Variants in SIPA1L2 observed in about 807,000 individuals in gnomAD.
SIPA1L2 encodes the protein signal-induced proliferation-associated 1-like protein 2.
SIPA1L2 carries 56 observed loss-of-function variants against 163.9 expected under a neutral mutation model. The observed-to-expected ratio is 0.34, with a 90% CI of 0.28 to 0.43. SIPA1L2 has a LOEUF of 0.43. SIPA1L2 is among the 20% of genes least tolerant of loss of function. The pLI is 1.00. For missense variants in SIPA1L2, 1,974 were observed against 2,193.5 expected, an observed-to-expected ratio of 0.90 and a Z score of 2.00; for synonymous variants, 877 against 865.7, an observed-to-expected ratio of 1.01 and a Z score of -0.23.
At chr1:232,455,348 C>T (rs1663830529) in intron 10 of SIPA1L2, among the ~76,000 whole-genome samples, 3 of 152,096 alleles carry the variant, frequency 2.0e-5, no homozygotes, top group Non-Finnish European at 4.4e-5. Flanking sequence ...ACAACAAAAA[C>T]GTGGAATCAA....
intron 1 of SIPA1L2, among the ~76,000 whole-genome samples, chr1:232,606,456 T>G (rs1201580804): frequency 1.3e-5 from 2 of 152,132 alleles, no homozygotes; most frequent in Non-Finnish European, 2.9e-5. Flanking sequence ...CCGAGAGCTT[T>G]AACGGTATTT....
rs1003969347 is a variant in SIPA1L2, at chr1:232,490,647, C to T, written c.1806+227G>A. The stretch of plus-strand genomic sequence containing the variant: ...CTTGCAAGCTGGGACACACCAAAAC[C>T]TTGGTAATAACAAAAAAAAATCACA... On this transcript the variant is annotated intron_variant, in intron 5 of 22. Transcript: ENST00000674635. 1.5e-4 allele frequency: 68 copies of T among 460,480 alleles called. 1 individual carries two copies. Among genetic ancestry groups the T allele is most frequent in the South Asian group, 1.3e-3 (38 of 29,080 alleles). The allele number at this position is 460,480 out of a possible 1,614,324, so 28.5% of individuals were successfully genotyped here. A position where few individuals can be genotyped will look rare whatever the true frequency, so the allele number is the denominator to read the frequency against.
chr1:232,404,066 G>A, intron 20 of SIPA1L2, 59 bp downstream of exon 20: 2 of 1,587,124 alleles, frequency 1.3e-6, no homozygotes, highest in Non-Finnish European at 1.7e-6. Flanking sequence ...GCAGACACAT[G>A]AAATATACAG....
chr1:232,564,371 C>T (rs2102756814), intron 2 of SIPA1L2, among the ~76,000 whole-genome samples: 1 of 151,578 alleles, frequency 6.6e-6, no homozygotes, highest in African/African-American at 2.4e-5. Flanking sequence ...AGCCACTGCT[C>T]CTGGCCAAGA....
intron 1 of SIPA1L2, among the ~76,000 whole-genome samples, chr1:232,605,423 G>A (rs2102863077): frequency 6.6e-6 from 1 of 152,340 alleles, no homozygotes; most frequent in East Asian, 1.9e-4. Context: ...AGCTGGGTGT[G>A]GTGGCTCACG....
intron 17 of SIPA1L2, 119 bp from the exon 18 acceptor site, chr1:232,425,927 T>A: frequency 1.1e-6 from 1 of 899,744 alleles, no homozygotes; most frequent in Non-Finnish European, 1.7e-6. Context: ...GAGTTTTCTC[T>A]GTTAGCTCAA....
At position 232,398,770 on chromosome 1, in the gene SIPA1L2, A is replaced by G. The variant is rs1660163072; in HGVS notation, c.*357T>C. 1 of 187,830 alleles carries G rather than the reference A, an allele frequency of 5.3e-6. No homozygotes were observed. Among genetic ancestry groups the G allele is most frequent in the Non-Finnish European group, 1.1e-5 (1 of 90,350 alleles). The allele number at this position is 187,830 out of a possible 1,614,324, so 11.6% of individuals were successfully genotyped here. A position where few individuals can be genotyped will look rare whatever the true frequency, so the allele number is the denominator to read the frequency against. The stretch of plus-strand genomic sequence containing the variant: ...CTATGGTAAATTGCTTTACATCTCT[A>G]CCAGGTCACCTGATATACAGGAAAT... On this transcript the variant is annotated 3_prime_UTR_variant, in exon 23 of 23. Transcript: ENST00000674635.
chr1:232,600,875 CT>C (rs1661563293), intron 1 of SIPA1L2, among the ~76,000 whole-genome samples: 1 of 152,204 alleles, frequency 6.6e-6, no homozygotes, highest in Admixed American at 6.5e-5. Context: ...AATGTCACCC[CT>C]GTCCTACAAA....
At chr1:232,485,432 T>G (rs959409251) in intron 5 of SIPA1L2, among the ~76,000 whole-genome samples, 2 of 152,164 alleles carry the variant, frequency 1.3e-5, no homozygotes, top group African/African-American at 4.8e-5. Flanking sequence ...GAAGAAAAAT[T>G]TGTATTCACC....
At chr1:232,482,329 C>A (rs1418042170) in intron 6 of SIPA1L2, among the ~76,000 whole-genome samples, 1 of 151,904 alleles carries the variant, frequency 6.6e-6, no homozygotes, top group Non-Finnish European at 1.5e-5. Context: ...AGACAACACA[C>A]AATCACAGTA....
intron 1 of SIPA1L2, among the ~76,000 whole-genome samples, chr1:232,577,450 A>T (rs1424970629): frequency 1.3e-5 from 2 of 152,186 alleles, no homozygotes; most frequent in Non-Finnish European, 2.9e-5. Context: ...TTAAAAAGTA[A>T]ATCTGACTTT....
intron 2 of SIPA1L2, among the ~76,000 whole-genome samples, chr1:232,515,981 T>C (rs1667203133): frequency 6.6e-6 from 1 of 152,222 alleles, no homozygotes; most frequent in African/African-American, 2.4e-5. Flanking sequence ...CCAAGAACCA[T>C]GCCTTTCAGC....
intron 2 of SIPA1L2, chr1:232,561,599 C>T (rs764601774): frequency 2.0e-5 from 3 of 152,244 alleles, no homozygotes; most frequent in Admixed American, 1.3e-4. Flanking sequence ...AGCCATCTGC[C>T]TGTGCCCAGA....
chr1:232,399,084 C>A lies in SIPA1L2; in HGVS notation c.*43G>T. On this transcript the variant is annotated 3_prime_UTR_variant, in exon 23 of 23. Coordinates refer to ENST00000674635, the MANE Select transcript of SIPA1L2 (RefSeq NM_020808.5). ...CCACATGTTTGTGACTTCAAAGGGA[C>A]AAGGGGCATTTCCCAGTGGTCCCTT... is the stretch of plus-strand genomic sequence containing the variant. 1 of 1,612,814 alleles carries A rather than the reference C, an allele frequency of 6.2e-7. No individual in the cohort carries two copies. Among genetic ancestry groups the A allele is most frequent in the Non-Finnish European group, 8.5e-7 (1 of 1,179,274 alleles).
intron 1 of SIPA1L2, among the ~76,000 whole-genome samples, chr1:232,609,942 G>A (rs1662158908): frequency 6.6e-6 from 1 of 151,858 alleles, no homozygotes; most frequent in Admixed American, 6.6e-5. Flanking sequence ...TCTGTTATTA[G>A]CATTTAAAAT....
chr1:232,609,795 A>T (rs976175307), intron 1 of SIPA1L2, among the ~76,000 whole-genome samples: 2 of 147,762 alleles, frequency 1.4e-5, no homozygotes, highest in Admixed American at 7.0e-5. Context: ...GCACCACTGC[A>T]CTCCAGCCCA....
intron 16 of SIPA1L2, 33 bp downstream of exon 16, chr1:232,432,214 T>A: frequency 6.3e-7 from 1 of 1,578,968 alleles, no homozygotes. Flanking sequence ...CAGTGAAAAA[T>A]GCTGACCAGA....
intron 19 of SIPA1L2, among the ~76,000 whole-genome samples, chr1:232,413,427 A>G (rs760415313): frequency 5.3e-5 from 8 of 152,186 alleles, no homozygotes; most frequent in Non-Finnish European, 8.8e-5. Flanking sequence ...ATTTTCTAGC[A>G]GTCATTCTGT....
chr1:232,428,644 T>C, intron 16 of SIPA1L2, 80 bp from the exon 17 acceptor site: 1 of 1,137,316 alleles, frequency 8.8e-7, no homozygotes, highest in Non-Finnish European at 1.2e-6. Flanking sequence ...TAGGAAGCAG[T>C]TTCAACAGCC....
Sources: allele counts gnomAD v4.1 joint callset (sites outside exome capture counted in the v4.1 genomes callset), GRCh38; gene constraint gnomAD v4.1.1; transcripts MANE v1.5; gene names NCBI Gene and HGNC (gene_info 2026-07-23, HGNC 2026-07-21).